GSS: variants seen among roughly 807,000 people sequenced by gnomAD.
GSS encodes glutathione synthetase, also known as GSH synthetase.
GSS carries 34 observed loss-of-function variants against 60.4 expected under a neutral mutation model. The ratio of observed to expected loss-of-function variants is 0.56; its 90% CI spans 0.43 to 0.75. The LOEUF is 0.75. Ranked by LOEUF, GSS falls within the 30% of genes least tolerant of loss-of-function variation. The pLI is 0.00. For missense variants in GSS, 499 were observed against 595.1 expected, an observed-to-expected ratio of 0.84 and a Z score of 1.68; for synonymous variants, 224 against 239.0, an observed-to-expected ratio of 0.94 and a Z score of 0.58.
At chr20:34,945,806 C>T (rs2081516465) in intron 3 of GSS, 147 bp downstream of exon 3, 2 of 792,730 alleles carry the variant, frequency 2.5e-6, no homozygotes, top group African/African-American at 3.4e-5. Flanking sequence ...AGCCAGCTTT[C>T]CTGACTCCTA....
At chr20:34,942,068 T>C (rs1490991101) in intron 5 of GSS, among the ~76,000 whole-genome samples, 2 of 152,088 alleles carry the variant, frequency 1.3e-5, no homozygotes. Context: ...CAACCTACCC[T>C]AGTGTCCCAG....
intron 9 of GSS, 133 bp downstream of exon 9, chr20:34,935,443 T>C (rs1461848518): frequency 1.4e-6 from 1 of 740,414 alleles, no homozygotes; most frequent in African/African-American, 1.7e-5. Context: ...TAGGAGGTTC[T>C]AGCAGCAAGC....
chr20:34,949,066 T>C (rs1398890322), intron 2 of GSS, among the ~76,000 whole-genome samples: 1 of 152,176 alleles, frequency 6.6e-6, no homozygotes, highest in Non-Finnish European at 1.5e-5. Context: ...ATGTTGGCTC[T>C]GACTTTTTAA....
Position 34,929,582 on chromosome 20 carries a change from G to C in GSS, c.1120C>G (p.Leu374Val). The change falls in exon 12 of 13, where the codon CTA (leucine) becomes GTA (valine). Residue 374 changes from leucine (L) to valine (V), a missense_variant. By Grantham distance (32) the Leu-to-Val change is conservative (BLOSUM62 1). Transcript: ENST00000651619. ...GCCTGTACCATTTCCTCCCCATATAGGTTGTTACCTGCAATGAAACTGGCC... is the reference window on the plus strand; with the variant it reads ...GCCTGTACCATTTCCTCCCCATATACGTTGTTACCTGCAATGAAACTGGCC... ...KPQREGGGNN[L>V]YGEEMVQALK... 6.2e-7 allele frequency: 1 copy of C among 1,613,746 alleles called. No homozygotes were observed. The highest frequency in any genetic ancestry group is 8.5e-7 in the Non-Finnish European group (1 of 1,179,668).
At position 34,946,033 on chromosome 20, in the gene GSS, G is replaced by C. The variant is rs1199141957; in HGVS notation, c.195C>G (p.Ala65=). 1.9e-6 allele frequency: 3 copies of C among 1,613,970 alleles called. No homozygotes were observed. Among genetic ancestry groups the C allele is most frequent in the Non-Finnish European group, 2.5e-6 (3 of 1,179,828 alleles). ...GGTTGAAGTCCATCTGCACAGCATA[G>C]GCTTGCTCCAGCAGGGCACTGGGGA... is the stretch of plus-strand genomic sequence containing the variant. ...SLVPSALLEQ[A]YAVQMDFNLL... The change falls in exon 3 of 13, where the codon GCC becomes GCG. Residue 65 remains alanine (A), a synonymous_variant. Coordinates refer to ENST00000651619, the MANE Select transcript of GSS (RefSeq NM_000178.4).
rs1035203529 is a variant in GSS, at chr20:34,955,795, C to T, written c.-77G>A. 1 of 152,264 alleles carries T rather than the reference C, an allele frequency of 6.6e-6. No individual in the cohort carries two copies. The highest frequency in any genetic ancestry group is 1.5e-5 in the Non-Finnish European group (1 of 68,076). 9.4% of individuals were successfully genotyped at this position (152,264 alleles called of 1,614,324 possible). On this transcript the variant is annotated 5_prime_UTR_variant, in exon 1 of 13. Transcript: ENST00000651619. ...CGCTACCCAGGCTCAGGGGGCGGGG[C>T]CTCGATGCGACCCAGTGCGCTTGCG...
Position 34,951,845 on chromosome 20 carries a change from G to A in GSS, c.8C>T (p.Thr3Ile), listed in dbSNP as rs1431918652. Residue 3 changes from threonine to isoleucine, a missense_variant, in exon 2 of 13, where the codon ACC becomes ATC. Physicochemically the swap from Thr to Ile is moderately conservative, Grantham distance 89 (BLOSUM62 -1). Transcript: ENST00000651619. ...ATCCTGCAAGAGGCTCCCCCAGTTG[G>A]TGGCCATCCCAACACCTGCAAAAGA... is the stretch of plus-strand genomic sequence containing the variant. MA[T>I]NWGSLLQDKQ... 6.2e-7 allele frequency: 1 copy of A among 1,614,108 alleles called. No homozygotes were observed. The highest frequency in any genetic ancestry group is 8.5e-7 in the Non-Finnish European group (1 of 1,180,034).
intron 3 of GSS, among the ~76,000 whole-genome samples, 191 bp from the exon 4 acceptor site, chr20:34,943,197 A>G (rs1314440612): frequency 1.3e-5 from 2 of 152,030 alleles, no homozygotes; most frequent in Non-Finnish European, 2.9e-5. Context: ...TAGCTCTACC[A>G]CTCACTAGTA....
At chr20:34,947,094 A>G (rs1157158826) in intron 2 of GSS, among the ~76,000 whole-genome samples, 2 of 147,434 alleles carry the variant, frequency 1.4e-5, no homozygotes, top group Non-Finnish European at 1.5e-5. Flanking sequence ...TTAAAGTACT[A>G]TTTTTTTTTT....
chr20:34,929,545 A>C lies in GSS; in HGVS notation c.1157T>G (p.Leu386Arg). Residue 386 changes from leucine (L) to arginine (R), a missense_variant, in exon 12 of 13, where the codon CTG (leucine) becomes CGG (arginine). Coordinates refer to ENST00000651619, the MANE Select transcript of GSS (RefSeq NM_000178.4). Reference protein sequence around the residue: ...GEEMVQALKQLKDSEERASYI... With the variant: ...GEEMVQALKQRKDSEERASYI... The stretch of plus-strand genomic sequence containing the variant: ...GGAGGCCCTCTCCTCACTGTCCTTC[A>C]GCTGTTTCAGGGCCTGTACCATTTC... 3 of 1,614,098 alleles carry C rather than the reference A, an allele frequency of 1.9e-6. No individual in the cohort carries two copies. Among genetic ancestry groups the C allele is most frequent in the Non-Finnish European group, 2.5e-6 (3 of 1,179,962 alleles).
At chr20:34,947,287 T>C (rs2081530269) in intron 2 of GSS, among the ~76,000 whole-genome samples, 1 of 152,124 alleles carries the variant, frequency 6.6e-6, no homozygotes, top group South Asian at 2.1e-4. Context: ...GGGGTTTCAC[T>C]GTGTTGTCCA....
At chr20:34,952,643 C>G (rs1040316697) in intron 1 of GSS, 1 of 152,644 alleles carries the variant, frequency 6.6e-6, no homozygotes, top group Admixed American at 6.5e-5. Flanking sequence ...ACCGTGTTAG[C>G]CAGGATGATC....
At chr20:34,953,553 C>T (rs907331192) in intron 1 of GSS, among the ~76,000 whole-genome samples, 2 of 146,666 alleles carry the variant, frequency 1.4e-5, no homozygotes, top group African/African-American at 4.9e-5. Context: ...CTTTCCCTTC[C>T]CTCCTTCTTT....
At chr20:34,934,118 A>C (rs923460242) in intron 9 of GSS, 2 of 151,538 alleles carry the variant, frequency 1.3e-5, no homozygotes, top group African/African-American at 4.8e-5. Flanking sequence ...CAAAGGTTGC[A>C]GTGAGCCGAG....
chr20:34,941,801 T>G lies in GSS; in HGVS notation c.520A>C (p.Lys174Gln). 1.2e-6 allele frequency: 2 copies of G among 1,610,048 alleles called. No homozygotes were observed. Among genetic ancestry groups the G allele is most frequent in the Non-Finnish European group, 1.7e-6 (2 of 1,177,846 alleles). ...RHVLSVLSKT[K>Q]EAGKILSNNP... Reference sequence around the variant, plus strand: ...TTAGAGAGGATCTTGCCAGCTTCTTTGGTCTTACTCAGGACACTGAGAACA... The same window carrying G: ...TTAGAGAGGATCTTGCCAGCTTCTTGGGTCTTACTCAGGACACTGAGAACA... Residue 174 changes from lysine (K) to glutamine (Q), a missense_variant, in exon 6 of 13, where the codon AAA becomes CAA. Transcript: ENST00000651619.
intron 6 of GSS, among the ~76,000 whole-genome samples, chr20:34,940,490 G>C (rs771985777): frequency 6.6e-6 from 1 of 152,190 alleles, no homozygotes; most frequent in Non-Finnish European, 1.5e-5. Context: ...ATGATTAAGA[G>C]TGGAGGTTTT....
At chr20:34,940,203 G>A (rs1400097489) in intron 6 of GSS, among the ~76,000 whole-genome samples, 1 of 152,116 alleles carries the variant, frequency 6.6e-6, no homozygotes, top group Non-Finnish European at 1.5e-5. Context: ...TCTGGCTCAG[G>A]TGCCACATAA....
chr20:34,931,483 G>A (rs2081401434), intron 10 of GSS, 66 bp from the exon 11 acceptor site: 4 of 1,270,032 alleles, frequency 3.1e-6, no homozygotes, highest in African/African-American at 2.9e-5. Context: ...CTTAGGTCCA[G>A]CTGGTTATGC....
At chr20:34,932,215 A>G in intron 9 of GSS, 82 bp from the exon 10 acceptor site, 5 of 1,064,272 alleles carry the variant, frequency 4.7e-6, no homozygotes, top group Non-Finnish European at 7.4e-6. Flanking sequence ...ATTAGGTGCC[A>G]GGTATCATGA....
Sources: allele counts gnomAD v4.1 joint callset (sites outside exome capture counted in the v4.1 genomes callset), GRCh38; gene constraint gnomAD v4.1.1; transcripts MANE v1.5; gene names NCBI Gene and HGNC (gene_info 2026-07-23, HGNC 2026-07-21).